CADM1: variants seen among roughly 807,000 people sequenced by gnomAD.
CADM1 encodes the protein TSLC-1.
In CADM1, 15 loss-of-function variants were observed where a neutral mutation model predicts 53.1. The observed-to-expected ratio is 0.28, with a 90% CI of 0.19 to 0.44. The LOEUF is 0.44. CADM1 is among the 20% of genes least tolerant of loss of function. The pLI is 1.00. For missense variants in CADM1, 434 were observed against 611.3 expected (o/e 0.71, Z 3.06); for synonymous variants, 281 against 243.0 (o/e 1.16, Z -1.45).
At chr11:115,345,511 T>C (rs1044145001) in intron 1 of CADM1, among the ~76,000 whole-genome samples, 3 of 152,180 alleles carry the variant, frequency 2.0e-5, no homozygotes, top group African/African-American at 7.2e-5. Context: ...ACTCAGCCCA[T>C]TGCCCTCCAG....
chr11:115,325,059 T>G (rs957992755), intron 1 of CADM1, among the ~76,000 whole-genome samples: 3 of 152,196 alleles, frequency 2.0e-5, no homozygotes, highest in Admixed American at 1.3e-4. Context: ...CGTTAGAGCA[T>G]CTATTAAGAG....
At position 115,238,610 on chromosome 11, in the gene CADM1, C is replaced by G; in HGVS notation, c.314G>C (p.Ser105Thr). The G allele has an allele frequency of 6.2e-7, 1 of 1,613,910 alleles. No homozygotes were observed. Among genetic ancestry groups the G allele is most frequent in the Non-Finnish European group, 8.5e-7 (1 of 1,179,850 alleles). ...GTTTGTCAATGATACTTTGAGTTCACTGCTAGAAAAATTCAGCAACTGAAA... is the reference window on the plus strand; with the variant it reads ...GTTTGTCAATGATACTTTGAGTTCAGTGCTAGAAAAATTCAGCAACTGAAA... ...SRFQLLNFSS[S>T]ELKVSLTNVS... is the part of the protein sequence containing the mutation. Residue 105 changes from serine to threonine, a missense_variant, in exon 3 of 12, where the codon AGT becomes ACT. Ser to Thr is a moderately conservative substitution (Grantham distance 58). Coordinates refer to ENST00000331581, the MANE Select transcript of CADM1 (RefSeq NM_001301043.2).
intron 7 of CADM1, among the ~76,000 whole-genome samples, chr11:115,211,384 A>AT (rs1205035220): frequency 1.4e-5 from 2 of 147,254 alleles, no homozygotes; most frequent in Non-Finnish European, 3.0e-5. Flanking sequence ...AGTTAATGTG[A>AT]TTTTTCTGTT....
chr11:115,181,198 C>T (rs1939296070), intron 10 of CADM1, among the ~76,000 whole-genome samples: 1 of 151,776 alleles, frequency 6.6e-6, no homozygotes, highest in South Asian at 2.1e-4. Context: ...CAGAGAGAGG[C>T]TCTGTGACAA....
At chr11:115,400,659 G>A (rs61905825) in intron 1 of CADM1, among the ~76,000 whole-genome samples, 14 of 38,642 alleles carry the variant, frequency 3.6e-4, no homozygotes, top group Non-Finnish European at 5.0e-4. Context: ...GTGTGTGTGT[G>A]TGTATATATA....
chr11:115,429,146 AT>A (rs1947973813), intron 1 of CADM1, among the ~76,000 whole-genome samples: 2 of 152,202 alleles, frequency 1.3e-5, no homozygotes, highest in African/African-American at 4.8e-5. Context: ...CCAAACTACA[AT>A]AAAATCAAAA....
At chr11:115,179,279 A>T (rs1475183007) in intron 10 of CADM1, among the ~76,000 whole-genome samples, 2 of 152,224 alleles carry the variant, frequency 1.3e-5, no homozygotes, top group African/African-American at 2.4e-5. Flanking sequence ...GAGATAAAAC[A>T]AGGATTATAA....
chr11:115,255,674 G>A lies in CADM1; in HGVS notation c.125-15254C>T, dbSNP rs544092700. On this transcript the variant is annotated intron_variant, in intron 1 of 11. Coordinates refer to ENST00000331581, the MANE Select transcript of CADM1 (RefSeq NM_001301043.2). ...GGTGTAATGGGATAAAGAAGATCAT[G>A]AATCCTAGCCACCAAATTAGGCCAG... 2.0e-5 allele frequency among the ~76,000 whole-genome samples: 3 copies of A among 152,300 alleles called. No homozygotes were observed. In the South Asian group the frequency reaches 6.2e-4, roughly 32 times the overall value.
chr11:115,322,043 C>T (rs1327364122), intron 1 of CADM1, among the ~76,000 whole-genome samples: 10 of 152,108 alleles, frequency 6.6e-5, no homozygotes, highest in Non-Finnish European at 1.5e-4. Flanking sequence ...ATCTAGCTGG[C>T]GTCAAAGCAC....
Position 115,238,524 on chromosome 11 carries a change from T to G in CADM1, c.400A>C (p.Ser134Arg). The G allele has an allele frequency of 6.2e-7, 1 of 1,613,916 alleles. No individual in the cohort carries two copies. The highest frequency in any genetic ancestry group is 8.5e-7 in the Non-Finnish European group (1 of 1,179,830). The change falls in exon 3 of 12, where the codon AGT becomes CGT. Residue 134 changes from serine (S) to arginine (R), a missense_variant. By Grantham distance (110) the Ser-to-Arg change is moderately radical. Transcript: ENST00000331581. ...CQLYTDPPQE[S>R]YTTITVLVPP... ...CCCAGGACTGTGATGGTGGTGTAAC[T>G]TTCCTGTGGGGGATCGGTATAGAGC...
At chr11:115,446,447 C>T (rs1023643853) in intron 1 of CADM1, among the ~76,000 whole-genome samples, 2 of 152,094 alleles carry the variant, frequency 1.3e-5, no homozygotes, top group Admixed American at 6.6e-5. Context: ...TGAAGGCTCA[C>T]GTGTTTGGAA....
intron 1 of CADM1, among the ~76,000 whole-genome samples, chr11:115,398,580 G>A (rs1429346574): frequency 6.6e-6 from 1 of 152,170 alleles, no homozygotes; most frequent in Admixed American, 6.5e-5. Flanking sequence ...ACACAACAAT[G>A]TGACAATTAT....
At chr11:115,432,465 G>T (rs1346220361) in intron 1 of CADM1, among the ~76,000 whole-genome samples, 1 of 152,150 alleles carries the variant, frequency 6.6e-6, no homozygotes, top group African/African-American at 2.4e-5. Flanking sequence ...TGAGGTCAAG[G>T]ATTCTCCCTT....
chr11:115,477,370 G>C (rs1445201868), intron 1 of CADM1, among the ~76,000 whole-genome samples: 1 of 152,088 alleles, frequency 6.6e-6, no homozygotes, highest in Non-Finnish European at 1.5e-5. Flanking sequence ...TCTTCCCAAG[G>C]ACAAGAATCC....
Position 115,190,873 on chromosome 11 carries a change from A to ATGAC in CADM1, c.1165+11_1165+14dup. The ATGAC allele has an allele frequency of 6.3e-7, 1 of 1,591,954 alleles. No homozygotes were observed. Among genetic ancestry groups the ATGAC allele is most frequent in the Non-Finnish European group, 8.5e-7 (1 of 1,176,600 alleles). On this transcript the variant is annotated intron_variant, in intron 10 of 11. Coordinates refer to ENST00000331581, the MANE Select transcript of CADM1 (RefSeq NM_001301043.2). The stretch of plus-strand genomic sequence containing the variant: ...GTTGGACACTGCAGTGCCTTACCTA[A>ATGAC]TGACTAGCCCTTACCTGAGAGGTCC...
Position 115,223,973 on chromosome 11 carries a change from A to AAGAGAGAG in CADM1, c.721+5132_721+5139dup, listed in dbSNP as rs1555043883. Among the ~76,000 whole-genome samples the AAGAGAGAG allele has an allele frequency of 4.5e-3, 417 of 92,460 alleles. 5 individuals carry two copies. The highest frequency in any genetic ancestry group is 0.012 in the African/African-American group (295 of 24,092). The allele number at this position is 92,460 out of a possible 152,430, so 60.7% of individuals were successfully genotyped here. Reference sequence around the variant, plus strand: ...GTATTCCGTTTAAAAAAAAAAAAAAAAGAGAGAGAGAGAGAGAGAGAGACT... The same window carrying AAGAGAGAG: ...GTATTCCGTTTAAAAAAAAAAAAAAAAGAGAGAGAGAGAGAGAGAGAGAGAGAGAGACT... On this transcript the variant is annotated intron_variant, in intron 5 of 11. Transcript: ENST00000331581.
chr11:115,503,261 G>C (rs939070109), intron 1 of CADM1, among the ~76,000 whole-genome samples: 4 of 152,216 alleles, frequency 2.6e-5, no homozygotes, highest in Non-Finnish European at 5.9e-5. Context: ...CAACGCGCCC[G>C]GCACACGGGC....
At chr11:115,368,819 T>C (rs1946237511) in intron 1 of CADM1, among the ~76,000 whole-genome samples, 2 of 151,930 alleles carry the variant, frequency 1.3e-5, no homozygotes, top group African/African-American at 4.8e-5. Context: ...ATATCTATGC[T>C]GTCCAACATG....
At chr11:115,468,812 G>A (rs1948948461) in intron 1 of CADM1, among the ~76,000 whole-genome samples, 1 of 152,128 alleles carries the variant, frequency 6.6e-6, no homozygotes, top group Non-Finnish European at 1.5e-5. Context: ...AATTTATAAA[G>A]AAAAAGAGGT....
Sources: gnomAD v4.1 joint callset for allele counts (sites outside exome capture counted in the v4.1 genomes callset) on GRCh38, gnomAD v4.1.1 for gene constraint, MANE v1.5 for transcripts, NCBI Gene and HGNC (gene_info 2026-07-23, HGNC 2026-07-21) for gene names.